The following FOXP2 variants were observed in gnomAD, a reference collection of about 807,000 sequenced individuals.
FOXP2 encodes the protein forkhead box P2, also known as forkhead box protein P2.
In FOXP2, 12 loss-of-function variants were observed where a neutral mutation model predicts 115.8. The observed-to-expected ratio is 0.10, with a 90% CI of 0.07 to 0.17. The LOEUF is 0.17. FOXP2 is among the 10% of genes least tolerant of loss of function. The pLI is 1.00. For missense variants in FOXP2, 629 were observed against 843.5 expected (o/e 0.75, Z 3.15); for synonymous variants, 328 against 297.7 (o/e 1.10, Z -1.05).
At chr7:114,450,675 A>C (rs1258932490) in intron 2 of FOXP2, among the ~76,000 whole-genome samples, 2 of 152,040 alleles carry the variant, frequency 1.3e-5, no homozygotes, top group Non-Finnish European at 2.9e-5. Context: ...TTTCCAAAGC[A>C]AAATATTTTC....
chr7:114,538,261 C>A, intron 3 of FOXP2: 1 of 1,133,344 alleles, frequency 8.8e-7, no homozygotes, highest in Non-Finnish European at 1.2e-6. Context: ...TAGCCTATGA[C>A]AAATCTACTT....
Position 114,276,831 on chromosome 7 carries a change from G to T in FOXP2, c.-101-11188G>T, listed in dbSNP as rs540211802. Among the ~76,000 whole-genome samples, 23 of 152,312 alleles carry T rather than the reference G, an allele frequency of 1.5e-4. No homozygotes were observed. In the East Asian group the frequency reaches 4.4e-3, roughly 29 times the overall value. On this transcript the variant is annotated intron_variant, in intron 1 of 17. Transcript: ENST00000634411. The stretch of plus-strand genomic sequence containing the variant: ...GCTTTTTACTTCTTGTTAGGGTGGA[G>T]TGGTGACTCCCAAGCTCCTTACATG...
chr7:114,495,716 A>G (rs1797292474), intron 2 of FOXP2, among the ~76,000 whole-genome samples: 1 of 151,962 alleles, frequency 6.6e-6, no homozygotes, highest in Admixed American at 6.6e-5. Context: ...CATGTTGGCC[A>G]GGCTGATCTT....
intron 2 of FOXP2, among the ~76,000 whole-genome samples, chr7:114,490,446 T>A (rs187069434): frequency 6.6e-6 from 1 of 152,136 alleles, no homozygotes; most frequent in East Asian, 1.9e-4. Flanking sequence ...ACACAGAACT[T>A]TTAGGGCAGT....
intron 3 of FOXP2, among the ~76,000 whole-genome samples, chr7:114,554,051 T>TAACAGAGGATACCAAA (rs1168176234): frequency 6.6e-6 from 1 of 152,124 alleles, no homozygotes; most frequent in Non-Finnish European, 1.5e-5. Flanking sequence ...ATTATGTCAA[T>TAACAGAGGATACCAAA]AACAGAGGAT....
intron 2 of FOXP2, among the ~76,000 whole-genome samples, chr7:114,454,412 C>T (rs1011836670): frequency 1.7e-4 from 26 of 152,068 alleles, no homozygotes; most frequent in Non-Finnish European, 1.2e-4. Flanking sequence ...CACTTTTACA[C>T]TGTTGATGGG....
chr7:114,569,445 G>A (rs746966666), intron 3 of FOXP2, among the ~76,000 whole-genome samples: 1 of 151,934 alleles, frequency 6.6e-6, no homozygotes, highest in Non-Finnish European at 1.5e-5. Flanking sequence ...TTAAAGAAGA[G>A]AAAATTGGAG....
At chr7:114,629,226 T>C (rs1365771836) in intron 4 of FOXP2, among the ~76,000 whole-genome samples, 1 of 152,174 alleles carries the variant, frequency 6.6e-6, no homozygotes, top group Admixed American at 6.5e-5. Context: ...ACAAACATAG[T>C]GTTCCTAATA....
chr7:114,649,183 C>T (rs1338218885), intron 8 of FOXP2, among the ~76,000 whole-genome samples: 1 of 151,838 alleles, frequency 6.6e-6, no homozygotes, highest in Admixed American at 6.6e-5. Context: ...ATAGAACTAC[C>T]AATAAGTAAA....
In FOXP2 at chr7:114,372,426, G is replaced by A. The variant is rs61526286; in HGVS notation, c.-10-54076G>A. ...ATTAATAATTAGGCTAGGACAACAT[G>A]AGTAAACACAGCATTTCCTGGGAAA... On this transcript the variant is annotated intron_variant, in intron 2 of 17. Transcript: ENST00000634411. Among the ~76,000 whole-genome samples the A allele has an allele frequency of 2.0e-4, 31 of 152,266 alleles. No individual in the cohort carries two copies. In the East Asian group the frequency reaches 5.4e-3, roughly 27 times the overall value.
intron 3 of FOXP2, among the ~76,000 whole-genome samples, chr7:114,561,830 C>T (rs1800773784): frequency 6.6e-6 from 1 of 152,062 alleles, no homozygotes; most frequent in South Asian, 2.1e-4. Context: ...TTCTCTATAG[C>T]CCATGCTGGA....
At chr7:114,381,156 C>G (rs1792282083) in intron 2 of FOXP2, among the ~76,000 whole-genome samples, 1 of 152,194 alleles carries the variant, frequency 6.6e-6, no homozygotes, top group Non-Finnish European at 1.5e-5. Context: ...GCCAAGGAAC[C>G]TTCTTAGTTG....
intron 1 of FOXP2, among the ~76,000 whole-genome samples, chr7:114,102,549 T>G (rs941221918): frequency 1.3e-4 from 20 of 151,878 alleles, no homozygotes; most frequent in African/African-American, 4.6e-4. Flanking sequence ...AATTTTCATA[T>G]TTAATGGAAT....
At chr7:114,397,907 G>C (rs1488106400) in intron 2 of FOXP2, among the ~76,000 whole-genome samples, 1 of 152,156 alleles carries the variant, frequency 6.6e-6, no homozygotes, top group Admixed American at 6.5e-5. Context: ...TCCATTGGAA[G>C]ATTTGGAGTT....
At chr7:114,326,205 G>C (rs1797553462) in intron 2 of FOXP2, among the ~76,000 whole-genome samples, 1 of 152,030 alleles carries the variant, frequency 6.6e-6, no homozygotes, top group Non-Finnish European at 1.5e-5. Flanking sequence ...CTTTCAACTA[G>C]AATTTTGATA....
Position 114,185,401 on chromosome 7 carries a change from T to C in FOXP2, c.-102+22313T>C, listed in dbSNP as rs1401356686. Among the ~76,000 whole-genome samples the C allele has an allele frequency of 4.6e-5, 7 of 152,316 alleles. No individual in the cohort carries two copies. The South Asian group carries it at 1.2e-3, about 27-fold the overall frequency. ...CAAGTTGCTTAATATCTCTGGGCTC[T>C]AAATTTTAATTTGTAAAAATGGGAT... On this transcript the variant is annotated intron_variant, in intron 1 of 17. Transcript: ENST00000634411.
chr7:114,652,479 T>C (rs1563060653), intron 9 of FOXP2, among the ~76,000 whole-genome samples, 189 bp downstream of exon 9: 1 of 152,116 alleles, frequency 6.6e-6, no homozygotes, highest in Admixed American at 6.6e-5. Flanking sequence ...ATTGCTGTAG[T>C]TTAATGTACT....
In FOXP2 at chr7:114,333,544, G is replaced by A. The variant is rs148325139; in HGVS notation, c.-11+45435G>A. ...GAGGCGGGCCGATCATTTGAGACCA[G>A]GAGTTCGAGATCAGCCTGGCTAAAA... On this transcript the variant is annotated intron_variant, in intron 2 of 17. Coordinates refer to the FOXP2 transcript ENST00000634411. 6.4e-3 allele frequency among the ~76,000 whole-genome samples: 975 copies of A among 152,334 alleles called. 7 individuals are homozygous for A. The highest frequency in any genetic ancestry group is 0.023 in the African/African-American group (943 of 41,568).
Position 114,663,452 on chromosome 7 carries a change from G to A in FOXP2, c.1772G>A (p.Ser591Asn). The part of the protein sequence containing the change: ...QKRRSQKITG[S>N]PTLVKNIPTS... ...TCTTTATATATTTTTTTTTTCAGAA[G>A]TCCAACCTTAGTAAAAAATATACCT... is the stretch of plus-strand genomic sequence containing the variant. The change falls in exon 15 of 17, where the codon AGT becomes AAT. Residue 591 changes from serine to asparagine, a missense_variant and splice_region_variant. Around this residue, in one of 9 missense-constraint regions of FOXP2, gnomAD observed 40 missense variants for 75.3 expected, o/e 0.53. Coordinates refer to ENST00000350908, the MANE Select transcript of FOXP2 (RefSeq NM_014491.4). 6.3e-7 allele frequency: 1 copy of A among 1,595,768 alleles called. No individual in the cohort carries two copies. Among genetic ancestry groups the A allele is most frequent in the South Asian group, 1.1e-5 (1 of 90,124 alleles).
Sources: allele counts gnomAD v4.1 joint callset (sites outside exome capture counted in the v4.1 genomes callset), GRCh38; gene constraint gnomAD v4.1.1; regional missense constraint gnomAD v4.1.1; transcripts MANE v1.5; gene names NCBI Gene and HGNC (gene_info 2026-07-23, HGNC 2026-07-21).